Variants in ADAMTS3 observed in about 807,000 individuals in gnomAD.
ADAMTS3 encodes A disintegrin and metalloproteinase with thrombospondin motifs 3.
A neutral mutation model predicts 129.0 loss-of-function variants in ADAMTS3; 73 were observed. The observed-to-expected ratio is 0.57, with a 90% CI of 0.47 to 0.69. The LOEUF (loss-of-function observed/expected upper bound fraction) is 0.69. Among genes scored for constraint, ADAMTS3 ranks in the 30% least tolerant of loss-of-function variants. ADAMTS3 has a pLI of 0.00. For synonymous variants in ADAMTS3, 477 were observed against 510.8 expected (o/e 0.93, Z 0.89); for missense variants, 1,457 against 1,514.5 (o/e 0.96, Z 0.63).
intron 3 of ADAMTS3, among the ~76,000 whole-genome samples, chr4:72,425,880 C>G (rs1039329096): frequency 2.0e-5 from 3 of 151,706 alleles, no homozygotes; most frequent in African/African-American, 7.3e-5. Flanking sequence ...AATGGTATTT[C>G]TAGTTCTAGA....
intron 4 of ADAMTS3, among the ~76,000 whole-genome samples, chr4:72,386,334 A>C (rs1159002588): frequency 2.0e-5 from 3 of 152,020 alleles, no homozygotes; most frequent in Non-Finnish European, 4.4e-5. Context: ...ATACACTCTT[A>C]TTTTTAAAAG....
intron 21 of ADAMTS3, among the ~76,000 whole-genome samples, chr4:72,287,157 A>C (rs190393778): frequency 6.6e-6 from 1 of 152,212 alleles, no homozygotes; most frequent in East Asian, 1.9e-4. Context: ...TTTTCACCAC[A>C]TGTGGACAGA....
intron 4 of ADAMTS3, among the ~76,000 whole-genome samples, chr4:72,399,425 T>G (rs567916865): frequency 1.1e-4 from 16 of 152,214 alleles, no homozygotes; most frequent in Non-Finnish European, 2.4e-4. Flanking sequence ...AGAACAACAC[T>G]CTTCTCTGAA....
chr4:72,292,153 T>C (rs1210121761), intron 19 of ADAMTS3, among the ~76,000 whole-genome samples: 1 of 152,190 alleles, frequency 6.6e-6, no homozygotes, highest in East Asian at 1.9e-4. Context: ...ACACTTACGA[T>C]TTCTTTACAT....
At chr4:72,502,989 C>T (rs1720064107) in intron 3 of ADAMTS3, among the ~76,000 whole-genome samples, 1 of 151,890 alleles carries the variant, frequency 6.6e-6, no homozygotes, top group Non-Finnish European at 1.5e-5. Context: ...TATGTTGTGT[C>T]TCTATTTTCA....
At chr4:72,352,858 A>T (rs1210045528) in intron 4 of ADAMTS3, among the ~76,000 whole-genome samples, 1 of 152,028 alleles carries the variant, frequency 6.6e-6, no homozygotes, top group Non-Finnish European at 1.5e-5. Flanking sequence ...TTCAAAGAGG[A>T]TGGAGCAAAA....
intron 21 of ADAMTS3, among the ~76,000 whole-genome samples, chr4:72,285,855 C>G (rs1718492113): frequency 6.6e-6 from 1 of 150,636 alleles, no homozygotes; most frequent in Non-Finnish European, 1.5e-5. Context: ...ATTAAGGCAA[C>G]TTTTCAGACT....
intron 4 of ADAMTS3, among the ~76,000 whole-genome samples, chr4:72,397,962 T>C (rs1721768689): frequency 6.6e-6 from 1 of 152,056 alleles, no homozygotes; most frequent in Admixed American, 6.5e-5. Context: ...CACTACTGCA[T>C]TGTAGAAGAA....
chr4:72,503,373 T>C (rs577416362), intron 3 of ADAMTS3, among the ~76,000 whole-genome samples: 62 of 152,330 alleles, frequency 4.1e-4, no homozygotes, highest in African/African-American at 1.4e-3. Flanking sequence ...ACAAAATTCA[T>C]TCAAAAGCAA....
At chr4:72,443,567 T>C (rs1021794339) in intron 3 of ADAMTS3, among the ~76,000 whole-genome samples, 3 of 151,676 alleles carry the variant, frequency 2.0e-5, no homozygotes, top group Non-Finnish European at 4.4e-5. Context: ...GATAAAGTAG[T>C]TTAATACTTG....
chr4:72,359,426 T>G (rs1720663615), intron 4 of ADAMTS3, among the ~76,000 whole-genome samples: 1 of 152,074 alleles, frequency 6.6e-6, no homozygotes, highest in African/African-American at 2.4e-5. Context: ...ACTATTGTGC[T>G]TTTAACTTTT....
chr4:72,357,766 A>G (rs1720617163), intron 4 of ADAMTS3, among the ~76,000 whole-genome samples: 2 of 151,938 alleles, frequency 1.3e-5, no homozygotes, highest in Non-Finnish European at 2.9e-5. Context: ...CAATGAGTGA[A>G]AAGTTTATGA....
rs72852054 is a variant in ADAMTS3 at position 72,418,491 on chromosome 4, C to A, written c.505-3520G>T. Among the ~76,000 whole-genome samples, 893 of 152,240 alleles carry A rather than the reference C, an allele frequency of 5.9e-3. 15 individuals are homozygous for A. The highest frequency in any genetic ancestry group is 0.021 in the African/African-American group (854 of 41,536). Reference sequence around the variant, plus strand: ...CTACTCCACACAATCATCCAGGAGTCCAGGTTGACAGTGGCTCTATCATCT... The same window carrying A: ...CTACTCCACACAATCATCCAGGAGTACAGGTTGACAGTGGCTCTATCATCT... On this transcript the variant is annotated intron_variant, in intron 3 of 21. Coordinates refer to ENST00000286657, the MANE Select transcript of ADAMTS3 (RefSeq NM_014243.3).
chr4:72,556,317 C>T (rs1300717576), intron 2 of ADAMTS3, among the ~76,000 whole-genome samples: 2 of 151,722 alleles, frequency 1.3e-5, no homozygotes. Flanking sequence ...CAACTTGAAA[C>T]AGATATCTTG....
At chr4:72,526,530 TCTA>T (rs551037841) in intron 3 of ADAMTS3, among the ~76,000 whole-genome samples, 104 of 148,468 alleles carry the variant, frequency 7.0e-4, no homozygotes, top group Non-Finnish European at 1.2e-3. Context: ...TATAAAACAG[TCTA>T]CTAATTAGTA....
At chr4:72,335,924 T>C (rs919521447) in intron 5 of ADAMTS3, among the ~76,000 whole-genome samples, 2 of 152,148 alleles carry the variant, frequency 1.3e-5, no homozygotes, top group African/African-American at 4.8e-5. Context: ...TAAATATACA[T>C]TTAACACTTA....
chr4:72,413,881 CA>C (rs1456007364), intron 4 of ADAMTS3, among the ~76,000 whole-genome samples: 1 of 151,622 alleles, frequency 6.6e-6, no homozygotes, highest in Non-Finnish European at 1.5e-5. Context: ...TTAAAATTTT[CA>C]AGATATGTTA....
intron 3 of ADAMTS3, among the ~76,000 whole-genome samples, chr4:72,530,233 A>G (rs182846941): frequency 0.33 from 25,504 of 76,862 alleles, 4,599 homozygotes; most frequent in East Asian, 0.46. Context: ...TATATTATAT[A>G]TATTAAATAT....
At chr4:72,428,413 T>C (rs1722620783) in intron 3 of ADAMTS3, among the ~76,000 whole-genome samples, 1 of 152,106 alleles carries the variant, frequency 6.6e-6, no homozygotes, top group South Asian at 2.1e-4. Flanking sequence ...TTAGTCATGA[T>C]GAGGTTTATT....
Sources: allele counts gnomAD v4.1 joint callset (sites outside exome capture counted in the v4.1 genomes callset), GRCh38; gene constraint gnomAD v4.1.1; transcripts MANE v1.5; gene names NCBI Gene and HGNC (gene_info 2026-07-23, HGNC 2026-07-21).